The following CERS6 variants were observed in gnomAD, a reference collection of about 807,000 sequenced individuals.
CERS6 encodes ceramide synthase 6.
CERS6 carries 26 observed loss-of-function variants against 56.8 expected under a neutral mutation model. The observed-to-expected ratio is 0.46, with a 90% CI of 0.34 to 0.63. CERS6 has a LOEUF of 0.63. Among genes scored for constraint, CERS6 ranks in the 30% least tolerant of loss-of-function variants. The pLI, the probability that CERS6 is intolerant of heterozygous loss-of-function variation, is 0.01. For synonymous variants in CERS6, 164 were observed against 173.3 expected (o/e 0.95, Z 0.42); for missense variants, 415 against 467.5 (o/e 0.89, Z 1.04).
intron 6 of CERS6, among the ~76,000 whole-genome samples, chr2:168,695,480 C>T (rs552998566): frequency 6.6e-6 from 1 of 152,288 alleles, no homozygotes; most frequent in African/African-American, 2.4e-5. Context: ...GGAAATGCAG[C>T]ATTCCTCAGT....
chr2:168,605,735 T>A (rs1006732577), intron 3 of CERS6, among the ~76,000 whole-genome samples: 1 of 152,198 alleles, frequency 6.6e-6, no homozygotes, highest in African/African-American at 2.4e-5. Context: ...CAGCTTGAGA[T>A]GTTGCTTCAG....
chr2:168,511,948 G>A (rs530016967), intron 1 of CERS6, among the ~76,000 whole-genome samples: 30 of 63,198 alleles, frequency 4.7e-4, no homozygotes, highest in African/African-American at 9.9e-4. Flanking sequence ...GTGCATGCAC[G>A]TGCACACACA....
chr2:168,717,525 C>G (rs1448213783), intron 7 of CERS6, among the ~76,000 whole-genome samples: 1 of 152,160 alleles, frequency 6.6e-6, no homozygotes, highest in Admixed American at 6.5e-5. Context: ...GTTTTGGTGT[C>G]TCTGGCTTGC....
At chr2:168,568,807 T>A (rs1695930687) in intron 3 of CERS6, among the ~76,000 whole-genome samples, 1 of 152,212 alleles carries the variant, frequency 6.6e-6, no homozygotes, top group African/African-American at 2.4e-5. Context: ...TTCCTAAAAA[T>A]GGCCACACCA....
chr2:168,615,999 C>T (rs1684308283), intron 3 of CERS6, among the ~76,000 whole-genome samples: 1 of 152,130 alleles, frequency 6.6e-6, no homozygotes, highest in African/African-American at 2.4e-5. Context: ...AAAGGAAAAC[C>T]TATCAGATTT....
chr2:168,755,982 G>A (rs1421712307), intron 8 of CERS6, among the ~76,000 whole-genome samples: 2 of 152,204 alleles, frequency 1.3e-5, no homozygotes, highest in Non-Finnish European at 2.9e-5. Flanking sequence ...GGGAAAAGGA[G>A]AAAAAGGTAA....
chr2:168,559,539 C>G (rs1695746066), intron 2 of CERS6, among the ~76,000 whole-genome samples: 1 of 151,516 alleles, frequency 6.6e-6, no homozygotes, highest in Non-Finnish European at 1.5e-5. Context: ...TGGGCAAGCT[C>G]TCTAGTGTCT....
rs1437977039 is a variant in CERS6, at chr2:168,596,580, G to A, written c.408-34405G>A. ...CTTTTTTTTTTTTTTTTGAGACTGA[G>A]TCTCACTCTATCATCCAAACTAGAG... On this transcript the variant is annotated intron_variant, in intron 3 of 9. Transcript: ENST00000305747. Among the ~76,000 whole-genome samples, 7 of 116,578 alleles carry A rather than the reference G, an allele frequency of 6.0e-5. No homozygotes were observed. In the East Asian group the frequency reaches 1.8e-3, roughly 30 times the overall value. The allele number at this position is 116,578 out of a possible 152,430, so 76.5% of individuals were successfully genotyped here.
At chr2:168,623,892 C>T (rs1356348999) in intron 3 of CERS6, among the ~76,000 whole-genome samples, 3 of 152,122 alleles carry the variant, frequency 2.0e-5, no homozygotes, top group Non-Finnish European at 2.9e-5. Flanking sequence ...TGTTTTCTTT[C>T]ACAAAGTTAC....
intron 4 of CERS6, among the ~76,000 whole-genome samples, chr2:168,640,322 A>G (rs557725406): frequency 6.6e-6 from 1 of 152,350 alleles, no homozygotes; most frequent in South Asian, 2.1e-4. Context: ...CTGAATGGAA[A>G]TGTGGGCATA....
intron 1 of CERS6, among the ~76,000 whole-genome samples, chr2:168,461,496 T>A (rs1319376396): frequency 2.0e-5 from 3 of 147,076 alleles, no homozygotes; most frequent in African/African-American, 7.5e-5. Flanking sequence ...TCTGCAGACA[T>A]AAATAGCTTC....
chr2:168,685,565 C>A (rs1686327007), intron 4 of CERS6, among the ~76,000 whole-genome samples: 1 of 151,852 alleles, frequency 6.6e-6, no homozygotes, highest in Non-Finnish European at 1.5e-5. Flanking sequence ...GTAATGCAGC[C>A]AATAAAAGAA....
At chr2:168,560,743 A>G (rs1018789605) in intron 2 of CERS6, among the ~76,000 whole-genome samples, 4 of 152,156 alleles carry the variant, frequency 2.6e-5, no homozygotes, top group African/African-American at 9.7e-5. Context: ...TCTCTACTAC[A>G]TTATCCTGAT....
intron 4 of CERS6, among the ~76,000 whole-genome samples, chr2:168,649,648 C>A (rs1336623197): frequency 6.6e-6 from 1 of 152,096 alleles, no homozygotes; most frequent in African/African-American, 2.4e-5. Context: ...CCCCCCGTAG[C>A]AGCTCTGTTT....
chr2:168,515,952 G>T (rs1428339048), intron 1 of CERS6, among the ~76,000 whole-genome samples: 1 of 152,174 alleles, frequency 6.6e-6, no homozygotes, highest in Non-Finnish European at 1.5e-5. Flanking sequence ...GACCCTTTCT[G>T]TTGGACATTC....
In CERS6 at chr2:168,770,799, C is replaced by G. The variant is rs1316700564; in HGVS notation, c.*1137C>G. 6.6e-6 allele frequency: 1 copy of G among 152,462 alleles called. No individual in the cohort carries two copies. The highest frequency in any genetic ancestry group is 2.1e-4 in the South Asian group (1 of 4,822). 9.4% of individuals were successfully genotyped at this position (152,462 alleles called of 1,614,324 possible). On this transcript the variant is annotated 3_prime_UTR_variant, in exon 10 of 10. Transcript: ENST00000305747. ...CTTTGCTTTTCTCCTTAAACGTAAT[C>G]CAGATGACTTTCCTGTTACTAAACA...
chr2:168,722,875 GT>G (rs1683221246), intron 8 of CERS6, among the ~76,000 whole-genome samples: 1 of 152,280 alleles, frequency 6.6e-6, no homozygotes, highest in Admixed American at 6.5e-5. Flanking sequence ...TCTCTCCACT[GT>G]TCCTTCCTGA....
chr2:168,724,986 C>T (rs1186925656), intron 8 of CERS6, among the ~76,000 whole-genome samples: 2 of 152,194 alleles, frequency 1.3e-5, no homozygotes, highest in African/African-American at 4.8e-5. Flanking sequence ...CCACAGGAGC[C>T]CACGGAGGGG....
At chr2:168,615,786 A>G (rs547790965) in intron 3 of CERS6, among the ~76,000 whole-genome samples, 48 of 152,350 alleles carry the variant, frequency 3.2e-4, no homozygotes, top group African/African-American at 1.1e-3. Context: ...AAAAGTTTGG[A>G]AAACATATTG....
Sources: gnomAD v4.1 joint callset for allele counts (sites outside exome capture counted in the v4.1 genomes callset) on GRCh38, gnomAD v4.1.1 for gene constraint, MANE v1.5 for transcripts, NCBI Gene and HGNC (gene_info 2026-07-23, HGNC 2026-07-21) for gene names.